The following DHX36 variants were observed in gnomAD, a reference collection of about 807,000 sequenced individuals.
DHX36 encodes the protein ATP-dependent DNA/RNA helicase DHX36.
Under a neutral mutation model 139.0 loss-of-function variants are expected in DHX36, and 50 were observed. That is an observed-to-expected ratio of 0.36 (90% CI 0.29 to 0.46). The LOEUF (loss-of-function observed/expected upper bound fraction) is 0.46, where lower values mean the gene tolerates loss of function less well. Ranked by LOEUF, DHX36 falls within the 20% of genes least tolerant of loss-of-function variation. DHX36 has a pLI of 1.00. For missense variants in DHX36, 1,024 were observed against 1,211.3 expected (o/e 0.85, Z 2.29); for synonymous variants, 425 against 401.9 (o/e 1.06, Z -0.69).
In DHX36 at chr3:154,295,342, G is replaced by GA. The variant is rs1293093923; in HGVS notation, c.1550-4dup. On this transcript the variant is annotated splice_polypyrimidine_tract_variant and splice_region_variant and intron_variant, in intron 12 of 24. Transcript: ENST00000496811. ...TAAAGGTATAATTAAAAATTTATCT[G>GA]AAAATTAAAGAGAATTAAATTTTAA... 1 of 1,451,722 alleles carries GA rather than the reference G, an allele frequency of 6.9e-7. No homozygotes were observed. Among genetic ancestry groups the GA allele is most frequent in the Non-Finnish European group, 9.4e-7 (1 of 1,059,860 alleles). The allele number at this position is 1,451,722 out of a possible 1,614,324, so 89.9% of individuals were successfully genotyped here. A position where few individuals can be genotyped will look rare whatever the true frequency, so the allele number is the denominator to read the frequency against.
chr3:154,299,045 G>A (rs1314122547), intron 12 of DHX36, among the ~76,000 whole-genome samples: 1 of 152,178 alleles, frequency 6.6e-6, no homozygotes, highest in Non-Finnish European at 1.5e-5. Context: ...GCTGAGATGG[G>A]AGGATCACTT....
intron 1 of DHX36, 120 bp downstream of exon 1, chr3:154,324,054 C>T (rs1337464504): frequency 1.7e-6 from 2 of 1,171,416 alleles, no homozygotes; most frequent in Admixed American, 2.3e-5. Flanking sequence ...ATTTGCGCCT[C>T]ATTTACATTT....
At chr3:154,320,223 T>C (rs1056233186) in intron 1 of DHX36, among the ~76,000 whole-genome samples, 16 of 152,222 alleles carry the variant, frequency 1.1e-4, no homozygotes, top group Non-Finnish European at 2.9e-5. Context: ...TGATCTTTCC[T>C]AGATTATTTT....
intron 17 of DHX36, among the ~76,000 whole-genome samples, chr3:154,288,625 A>T (rs558865142): frequency 6.6e-6 from 1 of 150,966 alleles, no homozygotes; most frequent in East Asian, 1.9e-4. Flanking sequence ...AGCCTACAAT[A>T]AAAAAAAATG....
At chr3:154,316,255 A>G (rs1217891151) in intron 1 of DHX36, 92 bp from the exon 2 acceptor site, 3 of 1,505,142 alleles carry the variant, frequency 2.0e-6, no homozygotes, top group Admixed American at 1.9e-5. Context: ...GCTAAGTAAT[A>G]TATGTTCAAC....
intron 19 of DHX36, 81 bp downstream of exon 19, chr3:154,284,502 G>A: frequency 7.8e-7 from 1 of 1,277,840 alleles, no homozygotes; most frequent in Non-Finnish European, 1.1e-6. Flanking sequence ...ATTTCAAAAG[G>A]TTAAATATGA....
At chr3:154,310,551 G>A (rs1388491179) in intron 4 of DHX36, among the ~76,000 whole-genome samples, 36 of 150,994 alleles carry the variant, frequency 2.4e-4, no homozygotes, top group Admixed American at 2.4e-3. Flanking sequence ...GGGAGGCTGA[G>A]GTAGGCGGAT....
intron 12 of DHX36, 37 bp downstream of exon 12, chr3:154,299,801 A>T (rs1380753437): frequency 7.1e-7 from 1 of 1,408,002 alleles, no homozygotes; most frequent in Non-Finnish European, 1.0e-6. Context: ...TTCAAATACC[A>T]CTCTTTGAAT....
At chr3:154,309,559 C>A in intron 5 of DHX36, 94 bp downstream of exon 5, 1 of 1,124,900 alleles carries the variant, frequency 8.9e-7, no homozygotes, top group Non-Finnish European at 1.2e-6. Flanking sequence ...AATCCTAAGC[C>A]TAATTAAGAA....
At position 154,314,200 on chromosome 3, in the gene DHX36, C is replaced by T. The variant is rs116299663; in HGVS notation, c.603+846G>A. Among the ~76,000 whole-genome samples, 693 of 152,224 alleles carry T rather than the reference C, an allele frequency of 4.6e-3. 4 individuals carry two copies. Among genetic ancestry groups the T allele is most frequent in the African/African-American group, 0.016 (655 of 41,542 alleles). On this transcript the variant is annotated intron_variant, in intron 3 of 24. Transcript: ENST00000496811. ...CTCCATTTTCAAATCACATTTTTAC[C>T]CAACAGGCATCAAAGAGCTACACAA...
chr3:154,314,371 C>T (rs1712881208), intron 3 of DHX36, among the ~76,000 whole-genome samples: 1 of 152,094 alleles, frequency 6.6e-6, no homozygotes, highest in Non-Finnish European at 1.5e-5. Context: ...ATAGGAGGTG[C>T]TATATCCTTC....
intron 3 of DHX36, among the ~76,000 whole-genome samples, chr3:154,313,540 C>T (rs951992645): frequency 3.3e-5 from 5 of 151,934 alleles, no homozygotes; most frequent in East Asian, 1.9e-4. Flanking sequence ...ATTAACCAGG[C>T]GTACTGGCAC....
intron 9 of DHX36, among the ~76,000 whole-genome samples, chr3:154,302,748 AG>A (rs1220564007): frequency 6.6e-6 from 1 of 152,198 alleles, no homozygotes; most frequent in East Asian, 1.9e-4. Flanking sequence ...CTAAAGACAA[AG>A]GTTCCCAAAC....
chr3:154,276,579 T>C, intron 24 of DHX36, 168 bp downstream of exon 24: 1 of 843,050 alleles, frequency 1.2e-6, no homozygotes, highest in Non-Finnish European at 1.8e-6. Context: ...GGCTGGTCTG[T>C]TACCACCTCA....
In DHX36 at chr3:154,303,399, T is replaced by C. The variant is rs754937391; in HGVS notation, c.1147A>G (p.Met383Val). The C allele has an allele frequency of 1.1e-4, 170 of 1,602,896 alleles. No individual in the cohort carries two copies. Among genetic ancestry groups the C allele is most frequent in the Non-Finnish European group, 1.3e-4 (148 of 1,175,734 alleles). ...KFSEYFGNCP[M>V]IHIPGFTFPV... ...AAGGTAAAACCAGGTATATGTATCA[T>C]TGGACAGTTACCTATTACGGCAGAC... Residue 383 changes from methionine to valine, a missense_variant, in exon 9 of 25, where the codon ATG (methionine) becomes GTG (valine). Met to Val is a conservative substitution (Grantham distance 21). Around this residue, in one of 4 missense-constraint regions of DHX36, gnomAD observed 146 missense variants for 215.0 expected, o/e 0.68. Transcript: ENST00000496811.
chr3:154,275,869 A>C lies in DHX36; in HGVS notation c.*302T>G, dbSNP rs1719130223. ...AGATTAATTTTGTATAACAGAACAA[A>C]GGAATTTCTCAAGTGGTACAATACT... On this transcript the variant is annotated 3_prime_UTR_variant, in exon 25 of 25. Transcript: ENST00000496811. The C allele has an allele frequency of 5.4e-6, 1 of 183,884 alleles. No individual in the cohort carries two copies. The highest frequency in any genetic ancestry group is 1.1e-5 in the Non-Finnish European group (1 of 89,826). The allele number at this position is 183,884 out of a possible 1,614,324, so 11.4% of individuals were successfully genotyped here. A position where few individuals can be genotyped will look rare whatever the true frequency, so the allele number is the denominator to read the frequency against.
chr3:154,288,302 G>A (rs1295929228), intron 17 of DHX36, among the ~76,000 whole-genome samples: 1 of 151,762 alleles, frequency 6.6e-6, no homozygotes, highest in African/African-American at 2.4e-5. Flanking sequence ...TTCATGTAAA[G>A]TTCACAAAAT....
intron 15 of DHX36, among the ~76,000 whole-genome samples, chr3:154,291,950 T>C (rs1711839831): frequency 6.6e-6 from 1 of 152,230 alleles, no homozygotes; most frequent in African/African-American, 2.4e-5. Flanking sequence ...ATTATGACAT[T>C]ATGAGGAAAA....
At chr3:154,309,161 T>C (rs575901567) in intron 5 of DHX36, among the ~76,000 whole-genome samples, 2 of 152,078 alleles carry the variant, frequency 1.3e-5, no homozygotes, top group African/African-American at 4.8e-5. Context: ...GCGCTCCAGC[T>C]TAAGTGACAA....
Sources: gnomAD v4.1 joint callset for allele counts (sites outside exome capture counted in the v4.1 genomes callset) on GRCh38, gnomAD v4.1.1 for gene constraint, gnomAD v4.1.1 regional missense constraint, MANE v1.5 for transcripts, NCBI Gene and HGNC (gene_info 2026-07-23, HGNC 2026-07-21) for gene names.